The following RPTOR variants were observed in gnomAD, a reference collection of about 807,000 sequenced individuals.
The protein encoded by RPTOR is regulatory-associated protein of mTOR.
In RPTOR, 21 loss-of-function variants were observed where a neutral mutation model predicts 169.9. The observed-to-expected ratio is 0.12, with a 90% CI of 0.09 to 0.18. The LOEUF is 0.18. Among genes scored for constraint, RPTOR ranks in the 10% least tolerant of loss-of-function variants. The pLI, the probability that RPTOR is intolerant of heterozygous loss-of-function variation, is 1.00. For synonymous variants in RPTOR, 732 were observed against 753.2 expected, an observed-to-expected ratio of 0.97 and a Z score of 0.46; for missense variants, 1,133 against 1,855.9, an observed-to-expected ratio of 0.61 and a Z score of 7.16.
chr17:80,849,668 G>A lies in RPTOR; in HGVS notation c.1314+3094G>A, dbSNP rs180796089. ...CAAGTAGCTGGGATTACAGGCACCC[G>A]CCACCATGCCCGGCTAATTTTTTGT... On this transcript the variant is annotated intron_variant, in intron 11 of 33. Coordinates refer to ENST00000306801, the MANE Select transcript of RPTOR (RefSeq NM_020761.3). 6.4e-3 allele frequency among the ~76,000 whole-genome samples: 976 copies of A among 152,226 alleles called. 6 individuals are homozygous for A. Among genetic ancestry groups the A allele is most frequent in the Admixed American group, 9.2e-3 (141 of 15,296 alleles).
intron 5 of RPTOR, among the ~76,000 whole-genome samples, chr17:80,745,966 A>T (rs955161215): frequency 1.3e-5 from 2 of 152,178 alleles, no homozygotes; most frequent in African/African-American, 4.8e-5. Context: ...GTTTGAGACT[A>T]GCCTGGCCAA....
chr17:80,586,692 G>T (rs945501596), intron 1 of RPTOR, among the ~76,000 whole-genome samples: 2 of 152,112 alleles, frequency 1.3e-5, no homozygotes, highest in Non-Finnish European at 2.9e-5. Flanking sequence ...GCAGCTTCCT[G>T]TCCTGCCCAT....
chr17:80,729,329 A>G (rs1013074791), intron 4 of RPTOR, among the ~76,000 whole-genome samples: 2 of 152,222 alleles, frequency 1.3e-5, no homozygotes, highest in African/African-American at 4.8e-5. Context: ...TGGGAATTTG[A>G]TTTCTGCCAC....
At chr17:80,893,498 GGTGT>G (rs1210082042) in intron 19 of RPTOR, among the ~76,000 whole-genome samples, 1 of 147,748 alleles carries the variant, frequency 6.8e-6, no homozygotes, top group Non-Finnish European at 1.5e-5. Context: ...TGTGCGCCAG[GGTGT>G]GTGTGTATGA....
At chr17:80,814,772 G>A (rs994623323) in intron 7 of RPTOR, among the ~76,000 whole-genome samples, 2 of 152,144 alleles carry the variant, frequency 1.3e-5, no homozygotes, top group African/African-American at 2.4e-5. Flanking sequence ...CTTTCAGAGC[G>A]CTCCAAGCCT....
At chr17:80,795,462 G>A (rs1188661229) in intron 7 of RPTOR, among the ~76,000 whole-genome samples, 6 of 152,106 alleles carry the variant, frequency 3.9e-5, no homozygotes, top group African/African-American at 7.2e-5. Flanking sequence ...CAGCCAGTGC[G>A]ATCAGACAGC....
chr17:80,768,210 G>T (rs988560420), intron 6 of RPTOR, among the ~76,000 whole-genome samples: 1 of 152,022 alleles, frequency 6.6e-6, no homozygotes, highest in Non-Finnish European at 1.5e-5. Flanking sequence ...TTTGGTTCAC[G>T]TTGGGACTTA....
intron 7 of RPTOR, among the ~76,000 whole-genome samples, chr17:80,816,283 G>C (rs950302831): frequency 3.3e-5 from 5 of 152,198 alleles, no homozygotes; most frequent in Non-Finnish European, 7.3e-5. Flanking sequence ...GCAGGGTGCC[G>C]CAGAGGAGGT....
chr17:80,703,482 G>A (rs1017032478), intron 3 of RPTOR, among the ~76,000 whole-genome samples: 4 of 152,136 alleles, frequency 2.6e-5, no homozygotes, highest in Admixed American at 2.6e-4. Flanking sequence ...GAGCTCAGGT[G>A]GCTCACTTCC....
intron 1 of RPTOR, among the ~76,000 whole-genome samples, chr17:80,622,437 A>G (rs992458046): frequency 1.3e-5 from 2 of 152,232 alleles, no homozygotes; most frequent in Admixed American, 1.3e-4. Flanking sequence ...GAGGATGACT[A>G]ATTAAATACA....
chr17:80,744,991 C>G (rs1346038698), intron 5 of RPTOR, among the ~76,000 whole-genome samples: 2 of 151,878 alleles, frequency 1.3e-5, no homozygotes, highest in East Asian at 3.9e-4. Context: ...ACTAGCACAG[C>G]CTTGGTTACT....
At chr17:80,663,595 G>A (rs141563933) in intron 3 of RPTOR, among the ~76,000 whole-genome samples, 28 of 152,304 alleles carry the variant, frequency 1.8e-4, no homozygotes, top group Middle Eastern at 3.4e-3. Flanking sequence ...AGTGAAGGCA[G>A]CCTGTGCTTA....
chr17:80,905,727 C>T (rs964163030), intron 20 of RPTOR, among the ~76,000 whole-genome samples: 2 of 152,186 alleles, frequency 1.3e-5, no homozygotes, highest in African/African-American at 2.4e-5. Flanking sequence ...CCCGGGTGTC[C>T]GCGTCTGTGG....
In RPTOR at chr17:80,545,666, C is replaced by T. The variant is rs910845504; in HGVS notation, c.37C>T (p.Leu13=). 1.2e-6 allele frequency: 2 copies of T among 1,613,424 alleles called. No individual in the cohort carries two copies. The highest frequency in any genetic ancestry group is 2.2e-5 in the East Asian group (1 of 44,822). ...AATGCTGCAATCGCCTCTTCTGGGCCTGGGGGAGGAAGATGAGGCTGATCT... is the reference window on the plus strand; with the variant it reads ...AATGCTGCAATCGCCTCTTCTGGGCTTGGGGGAGGAAGATGAGGCTGATCT... The part of the protein sequence containing the change: ...SEMLQSPLLG[L]GEEDEADLTD... The change falls in exon 1 of 34, where the codon CTG becomes TTG. Residue 13 remains leucine, a synonymous_variant. Coordinates refer to ENST00000306801, the MANE Select transcript of RPTOR (RefSeq NM_020761.3).
At chr17:80,757,343 C>T (rs530105430) in intron 6 of RPTOR, among the ~76,000 whole-genome samples, 1 of 152,314 alleles carries the variant, frequency 6.6e-6, no homozygotes, top group East Asian at 1.9e-4. Flanking sequence ...CTTGAGGGCA[C>T]CTTCCCTGAC....
At chr17:80,610,607 G>A (rs550586839) in intron 1 of RPTOR, among the ~76,000 whole-genome samples, 3 of 152,212 alleles carry the variant, frequency 2.0e-5, no homozygotes, top group Admixed American at 6.5e-5. Context: ...CTTGCTGGGC[G>A]GCTCTCACTG....
chr17:80,581,374 G>A (rs1348261063), intron 1 of RPTOR, among the ~76,000 whole-genome samples: 2 of 152,260 alleles, frequency 1.3e-5, no homozygotes, highest in African/African-American at 4.8e-5. Flanking sequence ...GAAAGCCGCT[G>A]TGTATGTGGT....
chr17:80,564,713 A>G (rs1285733152), intron 1 of RPTOR, among the ~76,000 whole-genome samples: 2 of 151,658 alleles, frequency 1.3e-5, no homozygotes, highest in African/African-American at 2.4e-5. Flanking sequence ...CCTAGTACCC[A>G]ATAGCTTTTT....
chr17:80,634,585 G>GTA (rs2065481883), intron 2 of RPTOR, among the ~76,000 whole-genome samples: 1 of 66,536 alleles, frequency 1.5e-5, no homozygotes, highest in Non-Finnish European at 2.7e-5. Context: ...GTGTGTGTGC[G>GTA]TACTGTGTGT....
Sources: gnomAD v4.1 joint callset for allele counts (sites outside exome capture counted in the v4.1 genomes callset) on GRCh38, gnomAD v4.1.1 for gene constraint, MANE v1.5 for transcripts, NCBI Gene and HGNC (gene_info 2026-07-23, HGNC 2026-07-21) for gene names.